The following RCOR1 variants were observed in gnomAD, a reference collection of about 807,000 sequenced individuals.
The protein encoded by RCOR1 is REST corepressor 1, also known as REST corepressor.
Under a neutral mutation model 64.0 loss-of-function variants are expected in RCOR1, and 12 were observed. That is an observed-to-expected ratio of 0.19 (90% CI 0.12 to 0.30). The LOEUF (loss-of-function observed/expected upper bound fraction) is 0.30, where lower values mean the gene tolerates loss of function less well. RCOR1 is among the 10% of genes least tolerant of loss of function. The pLI is 1.00. For missense variants in RCOR1, 502 were observed against 621.2 expected (o/e 0.81, Z 2.04); for synonymous variants, 279 against 227.2 (o/e 1.23, Z -2.05).
chr14:102,632,865 G>T (rs1053981479), intron 2 of RCOR1, among the ~76,000 whole-genome samples: 9 of 149,498 alleles, frequency 6.0e-5, no homozygotes, highest in African/African-American at 2.2e-4. Context: ...TAGACTGAGT[G>T]CAGTGAAGTG....
intron 2 of RCOR1, chr14:102,658,720 C>T: frequency 1.3e-6 from 1 of 772,248 alleles, no homozygotes; most frequent in Non-Finnish European, 1.6e-6. Context: ...ATTTAGATTC[C>T]AATAGTTTTC....
intron 2 of RCOR1, among the ~76,000 whole-genome samples, chr14:102,667,804 G>A (rs964050869): frequency 6.6e-6 from 1 of 152,156 alleles, no homozygotes; most frequent in African/African-American, 2.4e-5. Flanking sequence ...CCATATTGCT[G>A]GGAGTTGGTG....
At chr14:102,641,725 G>A (rs767975528) in intron 2 of RCOR1, among the ~76,000 whole-genome samples, 7 of 152,170 alleles carry the variant, frequency 4.6e-5, no homozygotes, top group Non-Finnish European at 5.9e-5. Context: ...GGAAAGTGAC[G>A]CTTGCACAAG....
At chr14:102,628,539 A>C (rs1391847367) in intron 2 of RCOR1, among the ~76,000 whole-genome samples, 1 of 122,328 alleles carries the variant, frequency 8.2e-6, no homozygotes, top group East Asian at 2.0e-4. Flanking sequence ...CTGCAACTCC[A>C]AAAAAAAAAA....
In RCOR1 at chr14:102,602,895, G is replaced by A. The variant is rs535104304; in HGVS notation, c.361+9570G>A. 1.8e-4 allele frequency among the ~76,000 whole-genome samples: 28 copies of A among 151,924 alleles called. No homozygotes were observed. The East Asian group carries it at 4.9e-3, about 26-fold the overall frequency. On this transcript the variant is annotated intron_variant, in intron 2 of 11. Transcript: ENST00000262241. ...TGATTTTTGAACTTTTTGTAGAGACGGGGTTTTGCCAAGTTGCCCAGACTG... is the reference window on the plus strand; with the variant it reads ...TGATTTTTGAACTTTTTGTAGAGACAGGGTTTTGCCAAGTTGCCCAGACTG...
chr14:102,726,647 G>GTGCTCCATC lies in RCOR1; in HGVS notation c.*145_*153dup. 1 of 684,332 alleles carries GTGCTCCATC rather than the reference G, an allele frequency of 1.5e-6. No homozygotes were observed. The highest frequency in any genetic ancestry group is 1.8e-5 in the South Asian group (1 of 54,192). The allele number at this position is 684,332 out of a possible 1,614,324, so 42.4% of individuals were successfully genotyped here. On this transcript the variant is annotated 3_prime_UTR_variant, in exon 12 of 12. Coordinates refer to ENST00000262241, the MANE Select transcript of RCOR1 (RefSeq NM_015156.4). ...AAAAAAGGCATATACTTCCAGTCCT[G>GTGCTCCATC]TGCTCCATCTGCCTTAATTCTTTGC...
chr14:102,657,925 T>C, intron 2 of RCOR1: 1 of 984,630 alleles, frequency 1.0e-6, no homozygotes, highest in Non-Finnish European at 1.2e-6. Flanking sequence ...CTGAAACAAG[T>C]GAAAGAGTTT....
intron 6 of RCOR1, 146 bp downstream of exon 6, chr14:102,708,729 C>T: frequency 2.0e-6 from 1 of 494,788 alleles, no homozygotes; most frequent in Non-Finnish European, 3.6e-6. Flanking sequence ...GAGCGTGTCA[C>T]ATTATTCAGG....
In RCOR1 at chr14:102,592,833, C is replaced by T. The variant is rs1242512995; in HGVS notation, c.-54C>T. The T allele has an allele frequency of 1.7e-4, 194 of 1,175,160 alleles. 1 individual carries two copies. In the South Asian group the frequency reaches 4.9e-3, roughly 30 times the overall value. 72.8% of individuals were successfully genotyped at this position (1,175,160 alleles called of 1,614,324 possible). On this transcript the variant is annotated 5_prime_UTR_variant, in exon 1 of 12. Transcript: ENST00000262241. ...CGCCCCCTCCCCCGTCTCGGCGCCCCCTCCTCAGGAGCCGCGGGTCCCCGC... is the reference window on the plus strand; with the variant it reads ...CGCCCCCTCCCCCGTCTCGGCGCCCTCTCCTCAGGAGCCGCGGGTCCCCGC...
At position 102,592,977 on chromosome 14, in the gene RCOR1, T is replaced by C. The variant is rs777646224; in HGVS notation, c.91T>C (p.Ser31Pro). 1.7e-6 allele frequency: 2 copies of C among 1,153,738 alleles called. No individual in the cohort carries two copies. Among genetic ancestry groups the C allele is most frequent in the Non-Finnish European group, 2.1e-6 (2 of 937,920 alleles). The allele number at this position is 1,153,738 out of a possible 1,614,324, so 71.5% of individuals were successfully genotyped here. Residue 31 changes from serine to proline, a missense_variant, in exon 1 of 12, where the codon TCC (serine) becomes CCC (proline). Around this residue, in one of 2 missense-constraint regions of RCOR1, gnomAD observed 242 missense variants for 204.9 expected, o/e 1.18. Coordinates refer to ENST00000262241, the MANE Select transcript of RCOR1 (RefSeq NM_015156.4). ...CGCCTCCGCCTCCGCCGCCGCCGCC[T>C]CCGCCGCCGCCTCGGCCGCCTGCGC... ...AAASASAAAA[S>P]AAASAACASP...
intron 11 of RCOR1, among the ~76,000 whole-genome samples, chr14:102,723,930 A>G (rs1896212923): frequency 6.6e-6 from 1 of 152,182 alleles, no homozygotes; most frequent in Non-Finnish European, 1.5e-5. Flanking sequence ...TTTAGGACCA[A>G]GAGTCCCTAC....
chr14:102,644,926 A>G, intron 2 of RCOR1, among the ~76,000 whole-genome samples: 1 of 152,164 alleles, frequency 6.6e-6, no homozygotes, highest in Non-Finnish European at 1.5e-5. Flanking sequence ...CCTTTTCCCT[A>G]AGAAATGGCT....
At chr14:102,615,357 G>GTGT (rs1567408730) in intron 2 of RCOR1, among the ~76,000 whole-genome samples, 1 of 151,332 alleles carries the variant, frequency 6.6e-6, no homozygotes, top group Admixed American at 6.6e-5. Flanking sequence ...GTCCCAGCTG[G>GTGT]TCTCGAACCC....
In RCOR1 at chr14:102,636,974, A is replaced by AAAAAC. The variant is rs373236695; in HGVS notation, c.361+43670_361+43674dup. On this transcript the variant is annotated intron_variant, in intron 2 of 11. Coordinates refer to ENST00000262241, the MANE Select transcript of RCOR1 (RefSeq NM_015156.4). ...TGACAAGAGTGAAACTCTGTTTCAA[A>AAAAAC]AAAACAAAACAAAACAAAACAAAAC... 2.6e-3 allele frequency among the ~76,000 whole-genome samples: 396 copies of AAAAAC among 152,228 alleles called. 1 individual carries two copies. Among genetic ancestry groups the AAAAAC allele is most frequent in the South Asian group, 0.01 (49 of 4,824 alleles).
intron 2 of RCOR1, among the ~76,000 whole-genome samples, chr14:102,594,951 GTTAACATAAATTTTGAAAACTTTATGT>G (rs1893212434): frequency 6.6e-6 from 1 of 152,052 alleles, no homozygotes; most frequent in African/African-American, 2.4e-5. Flanking sequence ...ATACATTTTT[GTTAACATAAATTTTGAAAACTTTATGT>G]AGATGTGTTG....
chr14:102,601,392 A>G (rs1163495347), intron 2 of RCOR1, among the ~76,000 whole-genome samples: 5 of 152,160 alleles, frequency 3.3e-5, no homozygotes, highest in Admixed American at 6.5e-5. Flanking sequence ...TCATTAATTC[A>G]CAGTTGGTTT....
intron 8 of RCOR1, among the ~76,000 whole-genome samples, chr14:102,715,273 A>G (rs942201115): frequency 6.6e-6 from 1 of 151,804 alleles, no homozygotes; most frequent in Non-Finnish European, 1.5e-5. Flanking sequence ...GGGTTTTACC[A>G]TGTTAGCCAG....
intron 2 of RCOR1, among the ~76,000 whole-genome samples, chr14:102,665,053 C>G (rs1002196685): frequency 1.3e-5 from 2 of 152,000 alleles, no homozygotes; most frequent in African/African-American, 4.8e-5. Context: ...TCTTGTTGCC[C>G]GGGCTGGAAT....
At chr14:102,618,372 A>C (rs1949307444) in intron 2 of RCOR1, among the ~76,000 whole-genome samples, 1 of 151,914 alleles carries the variant, frequency 6.6e-6, no homozygotes, top group African/African-American at 2.4e-5. Context: ...AGGGAGGCCG[A>C]GGTGGGAGGA....
Sources: gnomAD v4.1 joint callset for allele counts (sites outside exome capture counted in the v4.1 genomes callset) on GRCh38, gnomAD v4.1.1 for gene constraint, gnomAD v4.1.1 regional missense constraint, MANE v1.5 for transcripts, NCBI Gene and HGNC (gene_info 2026-07-23, HGNC 2026-07-21) for gene names.